Variants in INPP4B observed in about 807,000 individuals in gnomAD.
The protein encoded by INPP4B is inositol polyphosphate 4-phosphatase type II.
Under a neutral mutation model 122.5 loss-of-function variants are expected in INPP4B, and 55 were observed. The observed-to-expected ratio is 0.45, with a 90% CI of 0.36 to 0.56. INPP4B has a LOEUF of 0.56. Among genes scored for constraint, INPP4B ranks in the 20% least tolerant of loss-of-function variants. The pLI is 0.00. For synonymous variants in INPP4B, 403 were observed against 388.7 expected (o/e 1.04, Z -0.43); for missense variants, 1,000 against 1,097.7 (o/e 0.91, Z 1.26).
At chr4:142,831,268 C>T (rs1302892218) in intron 1 of INPP4B, among the ~76,000 whole-genome samples, 1 of 152,152 alleles carries the variant, frequency 6.6e-6, no homozygotes, top group African/African-American at 2.4e-5. Flanking sequence ...TCCACCAGAT[C>T]TAAGTCACAG....
intron 2 of INPP4B, among the ~76,000 whole-genome samples, chr4:142,632,253 C>CA (rs368822610): frequency 3.3e-5 from 5 of 151,350 alleles, no homozygotes; most frequent in East Asian, 2.0e-4. Context: ...ATTGTTCAGC[C>CA]AAAAAAAAGA....
At chr4:142,033,837 G>A (rs1742031426) in intron 25 of INPP4B, among the ~76,000 whole-genome samples, 1 of 28,934 alleles carries the variant, frequency 3.5e-5, no homozygotes, top group Admixed American at 5.1e-4. Flanking sequence ...GCTAATTTTT[G>A]TGTTTTTTTA....
chr4:142,335,281 A>C (rs1286774164), intron 7 of INPP4B, among the ~76,000 whole-genome samples: 2 of 152,068 alleles, frequency 1.3e-5, no homozygotes, highest in African/African-American at 4.8e-5. Context: ...ACAACAACAA[A>C]AATCTAGTTA....
chr4:142,678,007 A>G (rs541080989), intron 2 of INPP4B, among the ~76,000 whole-genome samples: 5 of 151,964 alleles, frequency 3.3e-5, no homozygotes, highest in African/African-American at 7.2e-5. Flanking sequence ...AGCTTTTAAA[A>G]GAAGAAAAGT....
chr4:142,544,646 T>C (rs1055431868), intron 2 of INPP4B, among the ~76,000 whole-genome samples: 1 of 152,142 alleles, frequency 6.6e-6, no homozygotes. Context: ...ATTGTGACTC[T>C]GGAGGGTTGG....
rs545856348 is a variant in INPP4B at position 142,416,537 on chromosome 4, A to G, written c.137-11213T>C. 1.4e-4 allele frequency among the ~76,000 whole-genome samples: 22 copies of G among 152,254 alleles called. 1 individual carries two copies. The highest frequency in any genetic ancestry group is 4.1e-4 in the African/African-American group (17 of 41,552). On this transcript the variant is annotated intron_variant, in intron 5 of 25. Coordinates refer to ENST00000262992, the MANE Select transcript of INPP4B (RefSeq NM_001101669.3). ...ATGTGCTATTGCTCAAATGCCAAAT[A>G]TTTTACCAGTAGAATTAAATTATTA...
chr4:142,824,692 T>A (rs1168491173), intron 1 of INPP4B, among the ~76,000 whole-genome samples: 1 of 152,116 alleles, frequency 6.6e-6, no homozygotes, highest in Admixed American at 6.6e-5. Flanking sequence ...CCCATTTCTT[T>A]ATTCAGATAC....
At chr4:142,682,112 AT>A (rs775731104) in intron 2 of INPP4B, among the ~76,000 whole-genome samples, 12 of 151,976 alleles carry the variant, frequency 7.9e-5, no homozygotes, top group Non-Finnish European at 1.5e-4. Flanking sequence ...TGCTTCTGAC[AT>A]TTGAAAACAA....
In INPP4B at chr4:142,198,144, AT is replaced by A. The variant is rs1374436868; in HGVS notation, c.1073-4950del. On this transcript the variant is annotated intron_variant, in intron 14 of 25. Coordinates refer to ENST00000262992, the MANE Select transcript of INPP4B (RefSeq NM_001101669.3). ...AAACAAAAGCTTGCAATTTATAAAA[AT>A]AAAAAAAATGATTAAACTGACCGGA... 3.0e-3 allele frequency among the ~76,000 whole-genome samples: 6 copies of A among 2,028 alleles called. No individual in the cohort carries two copies. The Non-Finnish European group carries it at 0.045, about 15-fold the overall frequency. The allele number at this position is 2,028 out of a possible 152,430, so 1.3% of individuals were successfully genotyped here. A position where few individuals can be genotyped will look rare whatever the true frequency, so the allele number is the denominator to read the frequency against.
At chr4:142,544,604 C>T (rs906907797) in intron 2 of INPP4B, among the ~76,000 whole-genome samples, 18 of 151,980 alleles carry the variant, frequency 1.2e-4, no homozygotes, top group African/African-American at 3.9e-4. Context: ...GAAAGAACAA[C>T]CTTCATGCTT....
intron 25 of INPP4B, among the ~76,000 whole-genome samples, chr4:142,039,025 G>A (rs1315991700): frequency 6.6e-6 from 1 of 152,106 alleles, no homozygotes; most frequent in Non-Finnish European, 1.5e-5. Context: ...CTTAAGCACA[G>A]GTTTTCTGCT....
intron 2 of INPP4B, among the ~76,000 whole-genome samples, chr4:142,720,196 T>C (rs1395123046): frequency 1.3e-5 from 2 of 152,216 alleles, no homozygotes; most frequent in East Asian, 3.8e-4. Flanking sequence ...AAATATTTTA[T>C]GCCTGCACTC....
Position 142,208,465 on chromosome 4 carries a change from T to C in INPP4B, c.1032A>G (p.Leu344=), listed in dbSNP as rs534871032. ...TGTGTACCTGCATTCTTTGCAGATG[T>C]AGATTTATTGGAACAAATTCTAATG... ...EKTLEFVPIN[L]HLQRMQVHSP... Residue 344 remains leucine (L), a synonymous_variant, in exon 14 of 26, where the codon CTA becomes CTG. Transcript: ENST00000262992. The C allele has an allele frequency of 6.9e-6, 11 of 1,601,716 alleles. No individual in the cohort carries two copies. The African/African-American group carries it at 1.5e-4, about 22-fold the overall frequency.
intron 7 of INPP4B, among the ~76,000 whole-genome samples, chr4:142,334,102 G>A (rs2627806): frequency 0.31 from 46,464 of 151,994 alleles, 8,753 homozygotes; most frequent in South Asian, 0.44. Context: ...TTCCGCATGT[G>A]AGAACATAAA....
intron 2 of INPP4B, among the ~76,000 whole-genome samples, chr4:142,479,634 A>G (rs1820252309): frequency 6.6e-6 from 1 of 152,198 alleles, no homozygotes; most frequent in Non-Finnish European, 1.5e-5. Flanking sequence ...ACAGCTATAA[A>G]AAAGAATGAG....
At position 142,280,713 on chromosome 4, in the gene INPP4B, G is replaced by T. The variant is rs372884286; in HGVS notation, c.504-9939C>A. On this transcript the variant is annotated intron_variant, in intron 9 of 25. Coordinates refer to ENST00000262992, the MANE Select transcript of INPP4B (RefSeq NM_001101669.3). ...GAGAAAGGACACATCCATTTTCTCC[G>T]ATAATAAATCAATACCAAACAAACA... Among the ~76,000 whole-genome samples, 6 of 151,870 alleles carry T rather than the reference G, an allele frequency of 4.0e-5. No individual in the cohort carries two copies. In the East Asian group the frequency reaches 1.2e-3, roughly 29 times the overall value.
At chr4:142,665,805 T>C (rs1755945054) in intron 2 of INPP4B, among the ~76,000 whole-genome samples, 1 of 152,108 alleles carries the variant, frequency 6.6e-6, no homozygotes, top group African/African-American at 2.4e-5. Context: ...AATATATAAG[T>C]ATGTGTGTGT....
chr4:142,435,458 AAGTAC>A (rs1399374733), intron 3 of INPP4B, among the ~76,000 whole-genome samples: 1 of 135,170 alleles, frequency 7.4e-6, no homozygotes, highest in Admixed American at 7.6e-5. Context: ...ATAAAAAAAA[AAGTAC>A]AGGAATTTAT....
At chr4:142,351,284 T>C (rs1346856517) in intron 7 of INPP4B, among the ~76,000 whole-genome samples, 1 of 152,032 alleles carries the variant, frequency 6.6e-6, no homozygotes, top group African/African-American at 2.4e-5. Context: ...GTCTTCTCTC[T>C]ATTCCCTACC....
Sources: allele counts gnomAD v4.1 joint callset (sites outside exome capture counted in the v4.1 genomes callset), GRCh38; gene constraint gnomAD v4.1.1; transcripts MANE v1.5; gene names NCBI Gene and HGNC (gene_info 2026-07-23, HGNC 2026-07-21).